The following KIF18A variants were observed in gnomAD, a reference collection of about 807,000 sequenced individuals.
KIF18A encodes the protein kinesin-like protein KIF18A.
KIF18A carries 67 observed loss-of-function variants against 103.3 expected under a neutral mutation model. That is an observed-to-expected ratio of 0.65 (90% CI 0.53 to 0.79). KIF18A has a LOEUF of 0.79. Ranked by LOEUF, KIF18A falls within the 30% of genes least tolerant of loss-of-function variation. KIF18A has a pLI of 0.00. For missense variants in KIF18A, 1,032 were observed against 1,062.5 expected, an observed-to-expected ratio of 0.97 and a Z score of 0.40; for synonymous variants, 367 against 355.5, an observed-to-expected ratio of 1.03 and a Z score of -0.36.
intron 13 of KIF18A, among the ~76,000 whole-genome samples, chr11:28,044,651 G>A (rs566561877): frequency 9.7e-4 from 147 of 152,184 alleles, no homozygotes; most frequent in Non-Finnish European, 1.9e-3. Context: ...AAGGAAGTTA[G>A]ACAAAAACAT....
chr11:28,091,306 T>C (rs955476929), intron 4 of KIF18A, 103 bp downstream of exon 4: 7 of 618,716 alleles, frequency 1.1e-5, no homozygotes, highest in South Asian at 7.2e-5. Flanking sequence ...ACCTCATTAG[T>C]TTTTTTTCTC....
chr11:28,040,524 T>C (rs566817847), intron 13 of KIF18A, among the ~76,000 whole-genome samples: 1 of 150,748 alleles, frequency 6.6e-6, no homozygotes, highest in African/African-American at 2.4e-5. Context: ...AGAAAATGAA[T>C]CACAAAGTTG....
At chr11:28,058,421 G>A (rs1177297356) in intron 13 of KIF18A, among the ~76,000 whole-genome samples, 1 of 149,756 alleles carries the variant, frequency 6.7e-6, no homozygotes, top group Non-Finnish European at 1.5e-5. Flanking sequence ...GGGAGGCCAG[G>A]GGAGACAACT....
chr11:28,082,756 G>A (rs1851181287), intron 9 of KIF18A, 100 bp downstream of exon 9: 1 of 667,108 alleles, frequency 1.5e-6, no homozygotes, highest in Non-Finnish European at 2.5e-6. Context: ...ACATATCTAT[G>A]TACATATAAA....
intron 5 of KIF18A, 38 bp from the exon 6 acceptor site, chr11:28,088,759 G>C (rs779943370): frequency 1.3e-6 from 2 of 1,505,582 alleles, no homozygotes; most frequent in Non-Finnish European, 1.8e-6. Flanking sequence ...ATGAGGATAA[G>C]ATTTAACAAA....
At chr11:28,054,965 G>A (rs946112726) in intron 13 of KIF18A, among the ~76,000 whole-genome samples, 3 of 152,086 alleles carry the variant, frequency 2.0e-5, no homozygotes, top group Non-Finnish European at 4.4e-5. Context: ...GGAATAATGA[G>A]CATCATATAG....
At chr11:28,056,767 C>G (rs1850786237) in intron 13 of KIF18A, 1 of 167,334 alleles carries the variant, frequency 6.0e-6, no homozygotes, top group South Asian at 2.1e-4. Context: ...GACTATTATT[C>G]TCTGTGAATA....
intron 1 of KIF18A, among the ~76,000 whole-genome samples, chr11:28,102,711 A>C (rs1851460995): frequency 1.3e-5 from 2 of 152,216 alleles, no homozygotes; most frequent in Admixed American, 1.3e-4. Flanking sequence ...CTATCTTTTA[A>C]AAACAAATAT....
At chr11:28,076,203 G>A (rs554983133) in intron 10 of KIF18A, among the ~76,000 whole-genome samples, 12 of 152,014 alleles carry the variant, frequency 7.9e-5, no homozygotes, top group Non-Finnish European at 1.2e-4. Context: ...GTATATTATT[G>A]TATTAAAAAA....
Position 28,094,700 on chromosome 11 carries a change from T to C in KIF18A, c.426A>G (p.Lys142=), listed in dbSNP as rs1851346498. ...VMYLTMLHLY[K]CMDEIKEEKI... is the part of the protein sequence containing the mutation. ...TCTCTTCTTTAATCTCATCCATGCA[T>C]TTGTAAAGGTGTAACATTGTTAGAT... The change falls in exon 3 of 17, where the codon AAA becomes AAG. Residue 142 remains lysine, a synonymous_variant. Transcript: ENST00000263181. The C allele has an allele frequency of 6.2e-7, 1 of 1,612,830 alleles. No homozygotes were observed. Among genetic ancestry groups the C allele is most frequent in the East Asian group, 2.2e-5 (1 of 44,852 alleles).
chr11:28,079,558 T>C (rs751878296), intron 9 of KIF18A, among the ~76,000 whole-genome samples: 27 of 152,128 alleles, frequency 1.8e-4, no homozygotes, highest in Non-Finnish European at 1.0e-4. Context: ...CACTTTCTAC[T>C]AATTCTAGAG....
intron 1 of KIF18A, among the ~76,000 whole-genome samples, chr11:28,098,962 C>T (rs1439705288): frequency 6.6e-6 from 1 of 151,760 alleles, no homozygotes; most frequent in Non-Finnish European, 1.5e-5. Context: ...AGACTTAGGA[C>T]GATCCTGCAA....
intron 15 of KIF18A, 92 bp from the exon 16 acceptor site, chr11:28,023,942 T>C: frequency 1.8e-6 from 1 of 546,978 alleles, no homozygotes; most frequent in Non-Finnish European, 3.2e-6. Context: ...ATTAAAGAAA[T>C]AAAACACAAA....
At chr11:28,080,962 G>C (rs1408716009) in intron 9 of KIF18A, among the ~76,000 whole-genome samples, 1 of 152,104 alleles carries the variant, frequency 6.6e-6, no homozygotes, top group Non-Finnish European at 1.5e-5. Flanking sequence ...AAGTTTCAAT[G>C]GTCTGGATAG....
At chr11:28,057,508 C>A (rs1046223876) in intron 13 of KIF18A, among the ~76,000 whole-genome samples, 1 of 151,890 alleles carries the variant, frequency 6.6e-6, no homozygotes, top group Non-Finnish European at 1.5e-5. Context: ...GAGCGAGACT[C>A]GGTCTCAAAA....
intron 16 of KIF18A, among the ~76,000 whole-genome samples, chr11:28,022,840 A>C (rs1197354856): frequency 6.6e-6 from 1 of 152,200 alleles, no homozygotes; most frequent in Non-Finnish European, 1.5e-5. Context: ...ATTTACCAAT[A>C]TAGTTTGACA....
At chr11:28,100,549 T>G in intron 1 of KIF18A, among the ~76,000 whole-genome samples, 5 of 74,730 alleles carry the variant, frequency 6.7e-5, no homozygotes, top group Non-Finnish European at 1.1e-4. Context: ...AGGAGAAAAA[T>G]GGTGTGAGTG....
rs749086490 is a variant in KIF18A at position 28,032,806 on chromosome 11, G to T, written c.2504+2581C>A. Among the ~76,000 whole-genome samples the T allele has an allele frequency of 3.3e-5, 5 of 151,922 alleles. No individual in the cohort carries two copies. In the South Asian group the frequency reaches 8.3e-4, roughly 25 times the overall value. On this transcript the variant is annotated intron_variant, in intron 15 of 16. Coordinates refer to ENST00000263181, the MANE Select transcript of KIF18A (RefSeq NM_031217.4). ...GGAAACTCTCCAGGACACTGGACTG[G>T]ACAAAGATTTCTTGAGTAATACCCT...
intron 10 of KIF18A, among the ~76,000 whole-genome samples, chr11:28,072,009 G>A (rs1017379618): frequency 1.3e-5 from 2 of 151,968 alleles, no homozygotes; most frequent in African/African-American, 4.8e-5. Flanking sequence ...TACTTCTAAT[G>A]TCCATCAAAT....
Sources: allele counts gnomAD v4.1 joint callset (sites outside exome capture counted in the v4.1 genomes callset), GRCh38; gene constraint gnomAD v4.1.1; transcripts MANE v1.5; gene names NCBI Gene and HGNC (gene_info 2026-07-23, HGNC 2026-07-21).